GALNT9: variants seen among roughly 807,000 people sequenced by gnomAD.
GALNT9 encodes polypeptide N-acetylgalactosaminyltransferase 9, also known as GalNAc transferase 9.
GALNT9 carries 47 observed loss-of-function variants against 63.1 expected under a neutral mutation model. That is an observed-to-expected ratio of 0.75 (90% CI 0.59 to 0.95). The LOEUF is 0.95. Ranked by LOEUF, GALNT9 falls within the 40% of genes least tolerant of loss-of-function variation. The pLI, the probability that GALNT9 is intolerant of heterozygous loss-of-function variation, is 0.00. For synonymous variants in GALNT9, 396 were observed against 365.7 expected (o/e 1.08, Z -0.94); for missense variants, 829 against 874.8 (o/e 0.95, Z 0.66).
intron 1 of GALNT9, among the ~76,000 whole-genome samples, chr12:132,311,545 G>C (rs1304906327): frequency 6.6e-6 from 1 of 152,208 alleles, no homozygotes; most frequent in Non-Finnish European, 1.5e-5. Flanking sequence ...CCAGCACACA[G>C]TCAAACGTAA....
At chr12:132,230,659 G>A (rs1426791881) in intron 6 of GALNT9, among the ~76,000 whole-genome samples, 1 of 152,206 alleles carries the variant, frequency 6.6e-6, no homozygotes, top group South Asian at 2.1e-4. Context: ...CCCCTTCCCC[G>A]CAGCCCTTAA....
intron 6 of GALNT9, among the ~76,000 whole-genome samples, chr12:132,207,883 A>G (rs938706395): frequency 6.6e-6 from 1 of 152,056 alleles, no homozygotes; most frequent in African/African-American, 2.4e-5. Flanking sequence ...CAATCCCTGC[A>G]AAACAGGGAA....
intron 2 of GALNT9, among the ~76,000 whole-genome samples, chr12:132,281,407 G>A (rs142702488): frequency 1.3e-5 from 2 of 152,310 alleles, no homozygotes; most frequent in East Asian, 3.9e-4. Flanking sequence ...GGGTGGGCTG[G>A]GTGTGGGAGT....
rs1555245040 is a variant in GALNT9, at chr12:132,310,033, T to C, written c.238+18933A>G. ...AGTGGAACTTGCTGGGTGGAATTTC[T>C]GAGAAATATGTCTAAAAAAGGAGAC... On this transcript the variant is annotated intron_variant, in intron 1 of 10. Transcript: ENST00000328957. This position sits in a 1 kb window ranked among gnomAD's most constrained non-coding sequence, Gnocchi z 4.8. 1.3e-5 allele frequency among the ~76,000 whole-genome samples: 2 copies of C among 152,202 alleles called. No individual in the cohort carries two copies. Among genetic ancestry groups the C allele is most frequent in the African/African-American group, 4.8e-5 (2 of 41,458 alleles).
At chr12:132,248,297 T>C (rs140425975) in intron 5 of GALNT9, among the ~76,000 whole-genome samples, 1 of 152,262 alleles carries the variant, frequency 6.6e-6, no homozygotes, top group African/African-American at 2.4e-5. Flanking sequence ...TCAATTCAGC[T>C]TAGTGTAGGA....
At chr12:132,249,206 T>C (rs1050744724) in intron 5 of GALNT9, among the ~76,000 whole-genome samples, 1 of 152,258 alleles carries the variant, frequency 6.6e-6, no homozygotes, top group Non-Finnish European at 1.5e-5. Context: ...CTTCATTTCT[T>C]CTGAGGCCTC....
intron 2 of GALNT9, among the ~76,000 whole-genome samples, chr12:132,268,793 C>T (rs1299270932): frequency 1.3e-5 from 2 of 152,124 alleles, no homozygotes; most frequent in South Asian, 4.2e-4. Context: ...CCCCCCTCGG[C>T]GGCCATCAGG....
Position 132,282,279 on chromosome 12 carries a change from C to T in GALNT9, c.419+3971G>A, listed in dbSNP as rs1209696094. On this transcript the variant is annotated intron_variant, in intron 2 of 10. Transcript: ENST00000328957. This position sits in a 1 kb window ranked among gnomAD's most constrained non-coding sequence, Gnocchi z 4.5. Reference sequence around the variant, plus strand: ...CACAGAGGGGGAATCAGCTCCACTACAGCAAGGCCAGGCCTGGGGTCCCAC... The same window carrying T: ...CACAGAGGGGGAATCAGCTCCACTATAGCAAGGCCAGGCCTGGGGTCCCAC... Among the ~76,000 whole-genome samples, 2 of 152,164 alleles carry T rather than the reference C, an allele frequency of 1.3e-5. No individual in the cohort carries two copies. The highest frequency in any genetic ancestry group is 4.8e-5 in the African/African-American group (2 of 41,420).
chr12:132,215,331 A>G (rs1435130611), intron 6 of GALNT9, among the ~76,000 whole-genome samples: 4 of 152,200 alleles, frequency 2.6e-5, no homozygotes, highest in African/African-American at 9.6e-5. Context: ...CCCACACACG[A>G]GACACAGTCA....
intron 6 of GALNT9, among the ~76,000 whole-genome samples, chr12:132,213,589 T>TCACACA (rs551752725): frequency 1.1e-4 from 16 of 151,502 alleles, no homozygotes; most frequent in Non-Finnish European, 1.9e-4. Context: ...CTACACACAG[T>TCACACA]CACACACACA....
rs781660264 is a variant in GALNT9 at position 132,311,350 on chromosome 12, G to A, written c.238+17616C>T. ...TGCCTTCAGGATGTGCAGCCTCGGCGTGGTCCAAGCAACCATCAAGGCCTG... is the reference window on the plus strand; with the variant it reads ...TGCCTTCAGGATGTGCAGCCTCGGCATGGTCCAAGCAACCATCAAGGCCTG... On this transcript the variant is annotated intron_variant, in intron 1 of 10. Coordinates refer to ENST00000328957, the MANE Select transcript of GALNT9 (RefSeq NM_001122636.2). 6.7e-4 allele frequency among the ~76,000 whole-genome samples: 102 copies of A among 152,294 alleles called. 1 individual carries two copies. Among genetic ancestry groups the A allele is most frequent in the Non-Finnish European group, 9.6e-4 (65 of 68,024 alleles).
chr12:132,200,111 C>G (rs562756887), intron 8 of GALNT9, among the ~76,000 whole-genome samples: 4 of 152,238 alleles, frequency 2.6e-5, no homozygotes, highest in Non-Finnish European at 5.9e-5. Context: ...ACACTCAGCA[C>G]TGCCTGGGAA....
chr12:132,200,676 GTGTT>G (rs1875985488), intron 8 of GALNT9: 1 of 161,748 alleles, frequency 6.2e-6, no homozygotes, highest in African/African-American at 2.4e-5. Context: ...GTACATATGA[GTGTT>G]TGCATGGATT....
chr12:132,291,748 C>T (rs1411085665), intron 1 of GALNT9, among the ~76,000 whole-genome samples: 3 of 152,234 alleles, frequency 2.0e-5, no homozygotes, highest in Non-Finnish European at 4.4e-5. Context: ...TGTGCTGGCA[C>T]CCCTGGAGAC....
intron 6 of GALNT9, among the ~76,000 whole-genome samples, chr12:132,219,938 C>T (rs58626118): frequency 0.52 from 61,803 of 117,806 alleles, 18,028 homozygotes; most frequent in East Asian, 0.67. Flanking sequence ...AGGGTGACAC[C>T]CGCCTGGGTA....
chr12:132,293,333 T>G (rs1212492099), intron 1 of GALNT9, among the ~76,000 whole-genome samples: 1 of 152,246 alleles, frequency 6.6e-6, no homozygotes, highest in Non-Finnish European at 1.5e-5. Flanking sequence ...GGGGGAACTC[T>G]GGGCTCCGGG....
At chr12:132,263,865 G>C (rs2135546151) in intron 2 of GALNT9, among the ~76,000 whole-genome samples, 1 of 150,846 alleles carries the variant, frequency 6.6e-6, no homozygotes, top group Non-Finnish European at 1.5e-5. Context: ...CTGGGGGACA[G>C]TGGTGGACTC....
Position 132,257,755 on chromosome 12 carries a change from A to C in GALNT9, c.893T>G (p.Leu298Arg). Reference protein sequence around the residue: ...ANAAHGYNWGLWCMYIIPPQD... With the variant: ...ANAAHGYNWGRWCMYIIPPQD... ...CGGGGGGATGATGTACATGCACCAGAGGCCCCAGTTGTAGCCATGGGCGGC... is the reference window on the plus strand; with the variant it reads ...CGGGGGGATGATGTACATGCACCAGCGGCCCCAGTTGTAGCCATGGGCGGC... The change falls in exon 5 of 11, where the codon CTC becomes CGC. Residue 298 changes from leucine (L) to arginine (R), a missense_variant. Leu to Arg is a moderately radical substitution (Grantham distance 102, BLOSUM62 -2). Transcript: ENST00000328957. 2 of 1,550,410 alleles carry C rather than the reference A, an allele frequency of 1.3e-6. No individual in the cohort carries two copies. Among genetic ancestry groups the C allele is most frequent in the Non-Finnish European group, 1.7e-6 (2 of 1,146,804 alleles).
chr12:132,240,757 G>A (rs2136899407), intron 6 of GALNT9: 101 of 455,258 alleles, frequency 2.2e-4, no homozygotes, highest in African/African-American at 3.2e-4. Context: ...CTGATCACCA[G>A]CAGAATTGGA....
Sources: gnomAD v4.1 joint callset for allele counts (sites outside exome capture counted in the v4.1 genomes callset) on GRCh38, gnomAD v4.1.1 for gene constraint, Gnocchi (gnomAD v3.1) non-coding constraint, MANE v1.5 for transcripts, NCBI Gene and HGNC (gene_info 2026-07-23, HGNC 2026-07-21) for gene names.